PHF20L1: variants seen among roughly 807,000 people sequenced by gnomAD.
The protein encoded by PHF20L1 is PHD finger protein 20-like protein 1.
A neutral mutation model predicts 125.5 loss-of-function variants in PHF20L1; 44 were observed. The observed-to-expected ratio is 0.35, with a 90% CI of 0.28 to 0.45. The LOEUF (loss-of-function observed/expected upper bound fraction) is 0.45, where lower values mean the gene tolerates loss of function less well. Among genes scored for constraint, PHF20L1 ranks in the 20% least tolerant of loss-of-function variants. PHF20L1 has a pLI of 1.00. For synonymous variants in PHF20L1, 380 were observed against 403.1 expected (o/e 0.94, Z 0.69); for missense variants, 1,012 against 1,217.2 (o/e 0.83, Z 2.51).
At chr8:132,807,583 T>A (rs1287669403) in intron 8 of PHF20L1, 1 of 370,612 alleles carries the variant, frequency 2.7e-6, no homozygotes, top group African/African-American at 2.2e-5. Context: ...AATATTTGAT[T>A]CTTAGTCCCA....
chr8:132,804,856 A>G (rs905310699), intron 8 of PHF20L1, 116 bp downstream of exon 8: 3 of 846,180 alleles, frequency 3.5e-6, no homozygotes, highest in East Asian at 2.6e-5. Context: ...TGTTAATAAC[A>G]AAGACAATTA....
At chr8:132,845,732 T>G (rs1355817843) in intron 20 of PHF20L1, 49 bp from the exon 21 acceptor site, 4 of 1,325,368 alleles carry the variant, frequency 3.0e-6, no homozygotes, top group East Asian at 4.6e-5. Context: ...ATTTTCTGAC[T>G]GTTCTTCCAG....
intron 2 of PHF20L1, among the ~76,000 whole-genome samples, chr8:132,779,988 G>T (rs1830245364): frequency 6.6e-6 from 1 of 152,082 alleles, no homozygotes; most frequent in Non-Finnish European, 1.5e-5. Context: ...CATTAGCCAG[G>T]ATAATCACAT....
Position 132,820,044 on chromosome 8 carries a change from AG to A in PHF20L1, c.1579+2500del, listed in dbSNP as rs376508712. Reference sequence around the variant, plus strand: ...CAACTTTTCTTAATTGTTTTCCAATAGAGATAATGAACTTGCAATAATCTCT... The same window carrying A: ...CAACTTTTCTTAATTGTTTTCCAATAAGATAATGAACTTGCAATAATCTCT... On this transcript the variant is annotated intron_variant, in intron 12 of 20. Coordinates refer to ENST00000395386, the MANE Select transcript of PHF20L1 (RefSeq NM_016018.5). 5.6e-4 allele frequency among the ~76,000 whole-genome samples: 85 copies of A among 152,014 alleles called. 1 individual carries two copies. Among genetic ancestry groups the A allele is most frequent in the African/African-American group, 2.0e-3 (83 of 41,520 alleles).
At chr8:132,786,388 C>T (rs1831028392) in intron 2 of PHF20L1, among the ~76,000 whole-genome samples, 1 of 151,980 alleles carries the variant, frequency 6.6e-6, no homozygotes, top group African/African-American at 2.4e-5. Flanking sequence ...TTATTTTGTA[C>T]AATTATTTTC....
chr8:132,832,112 A>T lies in PHF20L1; in HGVS notation c.1745-123A>T, dbSNP rs145435250. 118 of 673,812 alleles carry T rather than the reference A, an allele frequency of 1.8e-4. No individual in the cohort carries two copies. The East Asian group carries it at 1.8e-3, about 11-fold the overall frequency. 41.7% of individuals were successfully genotyped at this position (673,812 alleles called of 1,614,324 possible). A position where few individuals can be genotyped will look rare whatever the true frequency, so the allele number is the denominator to read the frequency against. ...CAGATCCATATGTAGCTTTTCATGG[A>T]TGAGAAGCGAAAGTGGTAGCATGAT... On this transcript the variant is annotated intron_variant, in intron 14 of 20. Coordinates refer to ENST00000395386, the MANE Select transcript of PHF20L1 (RefSeq NM_016018.5).
rs144760552 is a variant in PHF20L1 at position 132,824,422 on chromosome 8, A to G, written c.1636+362A>G. 1.7e-3 allele frequency: 283 copies of G among 164,144 alleles called. 3 individuals are homozygous for G. Among genetic ancestry groups the G allele is most frequent in the Admixed American group, 0.013 (210 of 15,736 alleles). The allele number at this position is 164,144 out of a possible 1,614,324, so 10.2% of individuals were successfully genotyped here. On this transcript the variant is annotated intron_variant, in intron 13 of 20. Coordinates refer to ENST00000395386, the MANE Select transcript of PHF20L1 (RefSeq NM_016018.5). ...TTTTTCACACTTTCTTCTTCATTAT[A>G]GTTTATAAAAATGTTATTGAGTTTT...
chr8:132,824,986 A>G, intron 13 of PHF20L1: 1 of 1,349,160 alleles, frequency 7.4e-7, no homozygotes, highest in Non-Finnish European at 9.9e-7. Context: ...CAGGAAATTG[A>G]GAATATTACT....
At chr8:132,779,166 G>A (rs1388361478) in intron 2 of PHF20L1, among the ~76,000 whole-genome samples, 2 of 152,164 alleles carry the variant, frequency 1.3e-5, no homozygotes, top group Admixed American at 6.5e-5. Flanking sequence ...GAGATGGGGA[G>A]GTTAATCGAT....
At chr8:132,775,856 G>T (rs1829656026) in intron 1 of PHF20L1, among the ~76,000 whole-genome samples, 1 of 152,130 alleles carries the variant, frequency 6.6e-6, no homozygotes, top group South Asian at 2.1e-4. Flanking sequence ...AAACCTGGAG[G>T]CTTCTCCAGC....
intron 6 of PHF20L1, among the ~76,000 whole-genome samples, chr8:132,802,303 A>G (rs1400075004): frequency 6.6e-6 from 1 of 151,142 alleles, no homozygotes; most frequent in African/African-American, 2.4e-5. Context: ...GCCTTTGTTT[A>G]ATGTTTTTCC....
At chr8:132,796,606 C>T (rs2131478491) in intron 4 of PHF20L1, among the ~76,000 whole-genome samples, 1 of 152,068 alleles carries the variant, frequency 6.6e-6, no homozygotes, top group African/African-American at 2.4e-5. Context: ...CACTGGTTAC[C>T]CCTACAGAAA....
intron 2 of PHF20L1, among the ~76,000 whole-genome samples, chr8:132,794,187 A>T (rs936841585): frequency 6.6e-6 from 1 of 152,170 alleles, no homozygotes; most frequent in Non-Finnish European, 1.5e-5. Context: ...GCAGTCATTT[A>T]TATTTCTACT....
At position 132,843,344 on chromosome 8, in the gene PHF20L1, A is replaced by T. The variant is rs1250817627; in HGVS notation, c.2748+469A>T. The T allele has an allele frequency of 5.1e-6, 5 of 979,704 alleles. No individual in the cohort carries two copies. In the South Asian group the frequency reaches 1.9e-4, roughly 37 times the overall value. The allele number at this position is 979,704 out of a possible 1,614,324, so 60.7% of individuals were successfully genotyped here. ...GGTGAATTCTGACAGATCTATGTGC[A>T]TTGGACATCTATAAACTTATTTCCT... On this transcript the variant is annotated intron_variant, in intron 19 of 20. Transcript: ENST00000395386.
At chr8:132,798,335 T>G (rs1310307390) in intron 4 of PHF20L1, among the ~76,000 whole-genome samples, 1 of 152,074 alleles carries the variant, frequency 6.6e-6, no homozygotes, top group Non-Finnish European at 1.5e-5. Context: ...AATAATCCTT[T>G]CCAGGGCAAA....
chr8:132,824,175 CTGTTT>C (rs1835904161), intron 13 of PHF20L1, 115 bp downstream of exon 13: 1 of 638,596 alleles, frequency 1.6e-6, no homozygotes, highest in African/African-American at 1.9e-5. Flanking sequence ...AAGTGATCAT[CTGTTT>C]TAGTTCCTAC....
intron 8 of PHF20L1, chr8:132,808,118 TA>T (rs1833946052): frequency 6.5e-6 from 1 of 152,936 alleles, no homozygotes; most frequent in Non-Finnish European, 1.5e-5. Context: ...TTATATTTAA[TA>T]ACTTTTGTAA....
At chr8:132,818,866 G>T (rs2131708725) in intron 12 of PHF20L1, 1 of 151,812 alleles carries the variant, frequency 6.6e-6, no homozygotes, top group African/African-American at 2.4e-5. Context: ...TATATACATT[G>T]GGAAAATTAT....
chr8:132,778,026 C>T (rs1314884935), intron 2 of PHF20L1, 115 bp downstream of exon 2: 8 of 661,234 alleles, frequency 1.2e-5, no homozygotes, highest in Admixed American at 7.7e-5. Context: ...ATTCACATTT[C>T]GATTACACAT....
Sources: allele counts gnomAD v4.1 joint callset (sites outside exome capture counted in the v4.1 genomes callset), GRCh38; gene constraint gnomAD v4.1.1; transcripts MANE v1.5; gene names NCBI Gene and HGNC (gene_info 2026-07-23, HGNC 2026-07-21).